The following CXCL12 variants were observed in gnomAD, a reference collection of about 807,000 sequenced individuals.
CXCL12 encodes C-X-C motif chemokine ligand 12, also known as stromal cell-derived factor 1.
Under a neutral mutation model 10.7 loss-of-function variants are expected in CXCL12, and 4 were observed. The observed-to-expected ratio is 0.37, with a 90% CI of 0.18 to 0.86. The LOEUF (loss-of-function observed/expected upper bound fraction) is 0.86, where lower values mean the gene tolerates loss of function less well. Ranked by LOEUF, CXCL12 falls within the 40% of genes least tolerant of loss-of-function variation. CXCL12 has a pLI of 0.43. For missense variants in CXCL12, 122 were observed against 110.4 expected (o/e 1.10, Z -0.47); for synonymous variants, 54 against 45.4 (o/e 1.19, Z -0.77).
At chr10:44,371,742 C>CT (rs1839318986), downstream of CXCL12, 1 of 152,378 alleles carries the variant, frequency 6.6e-6, no homozygotes, top group South Asian at 2.1e-4. Flanking sequence ...ACATAGTTTC[C>CT]TTGCTTTGAC....
chr10:44,377,034 G>T, downstream of CXCL12: 1 of 956,096 alleles, frequency 1.0e-6, no homozygotes, highest in Non-Finnish European at 1.2e-6. Flanking sequence ...CTGCAGGCAG[G>T]CTTAACTATA....
Position 44,378,047 on chromosome 10 carries a change from T to G in CXCL12, c.*586A>C, listed in dbSNP as rs932557546. 6.8e-7 allele frequency: 1 copy of G among 1,479,066 alleles called. No individual in the cohort carries two copies. The highest frequency in any genetic ancestry group is 8.9e-7 in the Non-Finnish European group (1 of 1,125,346). The allele number at this position is 1,479,066 out of a possible 1,614,324, so 91.6% of individuals were successfully genotyped here. ...GAGCCCACAGAGCCAATCACTGAGG[T>G]TGAAAGAGGAGGTGAAGGCAGTGGC... On this transcript the variant is annotated 3_prime_UTR_variant, in exon 3 of 3. Transcript: ENST00000343575.
downstream of CXCL12, chr10:44,375,837 C>A: frequency 6.4e-7 from 1 of 1,565,414 alleles, no homozygotes; most frequent in Non-Finnish European, 8.6e-7. Flanking sequence ...AAGTCTGAGC[C>A]CCTGCCCAGT....
downstream of CXCL12, among the ~76,000 whole-genome samples, chr10:44,375,452 G>A (rs1427662615): frequency 6.8e-6 from 1 of 147,746 alleles, no homozygotes; most frequent in East Asian, 2.0e-4. Context: ...CCACAGAGGG[G>A]TGGCACACCC....
chr10:44,378,639 G>A lies in CXCL12; in HGVS notation c.264C>T (p.Asn88=). ...TCCTTTTTGGCTGTTGTGCTTACTTGTTTAAAGCTTTCTCCAGGTACTCCT... is the reference window on the plus strand; with the variant it reads ...TCCTTTTTGGCTGTTGTGCTTACTTATTTAAAGCTTTCTCCAGGTACTCCT... The part of the protein sequence containing the change: ...WIQEYLEKAL[N]K The change falls in exon 3 of 3, where the codon AAC becomes AAT. Residue 88 remains asparagine, a synonymous_variant. Coordinates refer to ENST00000343575, the MANE Select transcript of CXCL12 (RefSeq NM_199168.4). 4 of 1,614,152 alleles carry A rather than the reference G, an allele frequency of 2.5e-6. No homozygotes were observed. The highest frequency in any genetic ancestry group is 3.4e-6 in the Non-Finnish European group (4 of 1,180,030).
At chr10:44,380,007 C>T (rs1839577295) in intron 2 of CXCL12, among the ~76,000 whole-genome samples, 1 of 152,194 alleles carries the variant, frequency 6.6e-6, no homozygotes, top group African/African-American at 2.4e-5. Flanking sequence ...TCTCCCCACC[C>T]CATTTTTAGC....
chr10:44,376,140 A>C (rs995846551), downstream of CXCL12: 2 of 1,246,254 alleles, frequency 1.6e-6, no homozygotes, highest in Non-Finnish European at 2.3e-6. Context: ...CTGTGCCTTC[A>C]GTCTCAGGCC....
intron 1 of CXCL12, among the ~76,000 whole-genome samples, chr10:44,381,198 C>T (rs1003014375): frequency 6.6e-5 from 10 of 152,164 alleles, no homozygotes; most frequent in African/African-American, 2.2e-4. Flanking sequence ...TAGTAGATAA[C>T]GGTTTCAGTC....
chr10:44,381,513 C>T (rs1839630689), intron 1 of CXCL12, among the ~76,000 whole-genome samples: 1 of 152,234 alleles, frequency 6.6e-6, no homozygotes, highest in Non-Finnish European at 1.5e-5. Context: ...CCAGCACTTT[C>T]CCCAAGGCTT....
rs1442905610 is a variant in CXCL12 at position 44,377,176 on chromosome 10, C to T, written c.*1457G>A. ...ATTTTATTGCTAGTGCATATAATGT[C>T]ACATTTGATACAATTTTAGTACAAG... On this transcript the variant is annotated 3_prime_UTR_variant, in exon 3 of 3. Coordinates refer to ENST00000343575, the MANE Select transcript of CXCL12 (RefSeq NM_199168.4). 2 of 986,600 alleles carry T rather than the reference C, an allele frequency of 2.0e-6. No individual in the cohort carries two copies. The highest frequency in any genetic ancestry group is 3.5e-5 in the African/African-American group (2 of 57,224). 61.1% of individuals were successfully genotyped at this position (986,600 alleles called of 1,614,324 possible). A position where few individuals can be genotyped will look rare whatever the true frequency, so the allele number is the denominator to read the frequency against.
chr10:44,378,708 G>A lies in CXCL12; in HGVS notation c.195C>T (p.Asn65=), dbSNP rs749372479. 2 of 1,614,166 alleles carry A rather than the reference G, an allele frequency of 1.2e-6. No homozygotes were observed. The highest frequency in any genetic ancestry group is 2.2e-5 in the East Asian group (1 of 44,878). ...GGTCAATGCACACTTGTCTGTTGTTGTTCTTCAGCCGGGCTCTGTGAAAAC... is the reference window on the plus strand; with the variant it reads ...GGTCAATGCACACTTGTCTGTTGTTATTCTTCAGCCGGGCTCTGTGAAAAC... ...CALQIVARLK[N]NNRQVCIDPK... is the part of the protein sequence containing the mutation. Residue 65 remains asparagine (N), a synonymous_variant, in exon 3 of 3, where the codon AAC becomes AAT. Coordinates refer to ENST00000343575, the MANE Select transcript of CXCL12 (RefSeq NM_199168.4).
chr10:44,375,738 AACTTAGC>A, downstream of CXCL12: 1 of 1,046,204 alleles, frequency 9.6e-7, no homozygotes, highest in East Asian at 2.7e-5. Flanking sequence ...CTTTCTTCAT[AACTTAGC>A]AGACCAACAA....
chr10:44,375,805 G>A (rs1272466265), downstream of CXCL12: 3 of 1,496,962 alleles, frequency 2.0e-6, no homozygotes, highest in Admixed American at 4.9e-5. Context: ...TGGCAGGGCA[G>A]CAAAGCACTG....
intron 2 of CXCL12, among the ~76,000 whole-genome samples, chr10:44,379,279 G>A (rs1237013247): frequency 1.3e-5 from 2 of 151,950 alleles, no homozygotes; most frequent in African/African-American, 4.8e-5. Flanking sequence ...ACCAGCCAGG[G>A]AGGGGAGGGG....
downstream of CXCL12, chr10:44,376,913 TAAA>T (rs36112451): frequency 2.0e-4 from 29 of 145,234 alleles, no homozygotes; most frequent in Non-Finnish European, 4.0e-4. Context: ...TCAATCGGGT[TAAA>T]AAAAAAAAAA....
chr10:44,380,491 A>AGCTGT (rs1412582693), intron 2 of CXCL12: 4 of 405,976 alleles, frequency 9.9e-6, no homozygotes, highest in Non-Finnish European at 4.5e-6. Context: ...TCCAGCATCC[A>AGCTGT]GCTGTGCTGT....
chr10:44,378,316 T>C lies in CXCL12; in HGVS notation c.*317A>G, dbSNP rs1403088429. On this transcript the variant is annotated 3_prime_UTR_variant, in exon 3 of 3. Transcript: ENST00000343575. ...AGAATGATGATGATTGTGATGATCA[T>C]GAAGGAACTAACTGCTTGAAAATGC... 8 of 1,480,184 alleles carry C rather than the reference T, an allele frequency of 5.4e-6. No individual in the cohort carries two copies. The highest frequency in any genetic ancestry group is 1.1e-5 in the South Asian group (1 of 89,046). 91.7% of individuals were successfully genotyped at this position (1,480,184 alleles called of 1,614,324 possible). A position where few individuals can be genotyped will look rare whatever the true frequency, so the allele number is the denominator to read the frequency against.
At chr10:44,382,547 G>A (rs1839664115) in intron 1 of CXCL12, among the ~76,000 whole-genome samples, 1 of 152,138 alleles carries the variant, frequency 6.6e-6, no homozygotes, top group African/African-American at 2.4e-5. Context: ...AAGTGCTGCA[G>A]CCGCCCCCGC....
chr10:44,370,273 T>A (rs758265186), exon 4 of CXCL12: 4 of 152,560 alleles, frequency 2.6e-5, no homozygotes, highest in Non-Finnish European at 4.4e-5. Context: ...TGTTTCTTAT[T>A]TATTTTTTAA....
Sources: allele counts gnomAD v4.1 joint callset (sites outside exome capture counted in the v4.1 genomes callset), GRCh38; gene constraint gnomAD v4.1.1; transcripts MANE v1.5; gene names NCBI Gene and HGNC (gene_info 2026-07-23, HGNC 2026-07-21).